Variants in GNAQ observed in about 807,000 individuals in gnomAD.
The protein encoded by GNAQ is guanine nucleotide-binding protein G(q) subunit alpha.
A neutral mutation model predicts 43.9 loss-of-function variants in GNAQ; 8 were observed. That is an observed-to-expected ratio of 0.18 (90% CI 0.11 to 0.33). GNAQ has a LOEUF of 0.33. Ranked by LOEUF, GNAQ falls within the 10% of genes least tolerant of loss-of-function variation. The pLI is 1.00. For synonymous variants in GNAQ, 155 were observed against 170.7 expected (o/e 0.91, Z 0.71); for missense variants, 158 against 450.8 (o/e 0.35, Z 5.88).
intron 2 of GNAQ, among the ~76,000 whole-genome samples, chr9:77,845,073 T>A (rs1827561446): frequency 6.6e-6 from 1 of 152,216 alleles, no homozygotes; most frequent in South Asian, 2.1e-4. Context: ...AGTACTACTC[T>A]AACATGAAAT....
intron 3 of GNAQ, among the ~76,000 whole-genome samples, 188 bp downstream of exon 3, chr9:77,815,428 T>C (rs1826996811): frequency 6.6e-6 from 1 of 152,224 alleles, no homozygotes; most frequent in Non-Finnish European, 1.5e-5. Flanking sequence ...TGACTCATGA[T>C]ACCAGTCCTT....
At chr9:77,994,702 T>C (rs1823547348) in intron 1 of GNAQ, among the ~76,000 whole-genome samples, 1 of 152,228 alleles carries the variant, frequency 6.6e-6, no homozygotes, top group South Asian at 2.1e-4. Context: ...GTTACTTCTA[T>C]GTTTTGCTGC....
intron 5 of GNAQ, among the ~76,000 whole-genome samples, chr9:77,742,963 G>T (rs1199208660): frequency 6.6e-6 from 1 of 152,192 alleles, no homozygotes; most frequent in Non-Finnish European, 1.5e-5. Flanking sequence ...GGTGCTACTA[G>T]AAAGATCAGC....
At position 77,823,219 on chromosome 9, in the gene GNAQ, G is replaced by A. The variant is rs140773222; in HGVS notation, c.322-7449C>T. On this transcript the variant is annotated intron_variant, in intron 2 of 6. Coordinates refer to ENST00000286548, the MANE Select transcript of GNAQ (RefSeq NM_002072.5). ...CTCCCAAAGTGCTGGGATTACAGGC[G>A]TGAGCCACCACGCCTGGCCTAGAAT... 8.0e-3 allele frequency among the ~76,000 whole-genome samples: 1,213 copies of A among 152,262 alleles called. 16 individuals carry two copies. Among genetic ancestry groups the A allele is most frequent in the African/African-American group, 0.028 (1,156 of 41,544 alleles).
At chr9:77,996,661 G>T (rs1485427972) in intron 1 of GNAQ, among the ~76,000 whole-genome samples, 2 of 122,158 alleles carry the variant, frequency 1.6e-5, no homozygotes, top group Admixed American at 1.1e-4. Context: ...CCGGACAACA[G>T]AGCGAGACTC....
chr9:77,878,223 G>C (rs1014275271), intron 2 of GNAQ, among the ~76,000 whole-genome samples: 1 of 144,790 alleles, frequency 6.9e-6, no homozygotes, highest in Non-Finnish European at 1.5e-5. Flanking sequence ...GAGGTATTTG[G>C]TGTTTTTTTT....
intron 2 of GNAQ, among the ~76,000 whole-genome samples, chr9:77,889,821 T>A (rs1828372043): frequency 6.6e-6 from 1 of 152,232 alleles, no homozygotes; most frequent in African/African-American, 2.4e-5. Context: ...CTTTTGGTTT[T>A]TTCCCAAACT....
chr9:77,832,869 C>T (rs764045769), intron 2 of GNAQ, among the ~76,000 whole-genome samples: 2 of 152,216 alleles, frequency 1.3e-5, no homozygotes, highest in Non-Finnish European at 2.9e-5. Flanking sequence ...CAGACACACA[C>T]AAGCTGCGTC....
intron 2 of GNAQ, among the ~76,000 whole-genome samples, chr9:77,849,777 T>A (rs1827644072): frequency 6.6e-6 from 1 of 152,116 alleles, no homozygotes; most frequent in South Asian, 2.1e-4. Flanking sequence ...AGCGATCCTC[T>A]CACCTCAGCC....
In GNAQ at chr9:77,769,420, G is replaced by A. The variant is rs1021699319; in HGVS notation, c.735+25043C>T. Among the ~76,000 whole-genome samples the A allele has an allele frequency of 3.3e-5, 5 of 150,782 alleles. No homozygotes were observed. In the East Asian group the frequency reaches 9.8e-4, roughly 30 times the overall value. On this transcript the variant is annotated intron_variant, in intron 5 of 6. Transcript: ENST00000286548. ...CTACCTTAAAAAAAAAAAAAAGGAA[G>A]AAGAACTAATCTGCCAAACATTATT... is the stretch of plus-strand genomic sequence containing the variant.
chr9:77,816,382 C>T (rs1225614469), intron 2 of GNAQ, among the ~76,000 whole-genome samples: 1 of 152,106 alleles, frequency 6.6e-6, no homozygotes, highest in Non-Finnish European at 1.5e-5. Context: ...TTTGTATCTG[C>T]CTTATCTATA....
At chr9:77,884,439 A>G (rs543279436) in intron 2 of GNAQ, among the ~76,000 whole-genome samples, 21 of 152,356 alleles carry the variant, frequency 1.4e-4, no homozygotes, top group African/African-American at 5.0e-4. Context: ...GCTTATTTCA[A>G]GCGGGAAAAA....
At chr9:77,808,347 AAATGCAGGGCTTTTTGTTTG>A (rs1826861162) in intron 3 of GNAQ, among the ~76,000 whole-genome samples, 1 of 150,974 alleles carries the variant, frequency 6.6e-6, no homozygotes, top group African/African-American at 2.4e-5. Context: ...CGAGGAAGAC[AAATGCAGGGCTTTTTGTTTG>A]TTGTTTTACC....
intron 1 of GNAQ, among the ~76,000 whole-genome samples, chr9:77,986,632 A>G (rs1302282187): frequency 6.6e-6 from 1 of 152,078 alleles, no homozygotes; most frequent in Non-Finnish European, 1.5e-5. Context: ...TAGCCTCCCA[A>G]GTAGCTGGGA....
At chr9:77,889,809 T>C (rs1828371811) in intron 2 of GNAQ, among the ~76,000 whole-genome samples, 1 of 152,210 alleles carries the variant, frequency 6.6e-6, no homozygotes, top group Admixed American at 6.5e-5. Context: ...TTTATACCTG[T>C]TCTTTTGGTT....
intron 2 of GNAQ, among the ~76,000 whole-genome samples, chr9:77,902,032 G>T (rs1828624264): frequency 6.6e-6 from 1 of 152,116 alleles, no homozygotes; most frequent in African/African-American, 2.4e-5. Flanking sequence ...CACCTTAGGG[G>T]TTAGGATCTC....
chr9:77,947,822 A>G (rs1272034392), intron 1 of GNAQ, among the ~76,000 whole-genome samples: 1 of 152,220 alleles, frequency 6.6e-6, no homozygotes, highest in African/African-American at 2.4e-5. Context: ...CTTCAGCGCC[A>G]TGGAAGCAGC....
In GNAQ at chr9:77,823,729, AACTC is replaced by A. The variant is rs562250323; in HGVS notation, c.322-7963_322-7960del. Among the ~76,000 whole-genome samples, 24 of 152,226 alleles carry A rather than the reference AACTC, an allele frequency of 1.6e-4. 1 individual carries two copies. The South Asian group carries it at 4.8e-3, about 30-fold the overall frequency. ...CTTTTAAACGATCAGATCTCATGAGAACTCACTCACTATCATGAGAACAGCAAAG... is the reference window on the plus strand; with the variant it reads ...CTTTTAAACGATCAGATCTCATGAGAACTCACTATCATGAGAACAGCAAAG... On this transcript the variant is annotated intron_variant, in intron 2 of 6. Coordinates refer to ENST00000286548, the MANE Select transcript of GNAQ (RefSeq NM_002072.5).
intron 1 of GNAQ, among the ~76,000 whole-genome samples, chr9:77,964,662 A>T (rs1823144578): frequency 7.2e-6 from 1 of 138,734 alleles, no homozygotes; most frequent in Non-Finnish European, 1.6e-5. Flanking sequence ...GCAAACTAAA[A>T]ATAAAACAAA....
Sources: allele counts gnomAD v4.1 joint callset (sites outside exome capture counted in the v4.1 genomes callset), GRCh38; gene constraint gnomAD v4.1.1; transcripts MANE v1.5; gene names NCBI Gene and HGNC (gene_info 2026-07-23, HGNC 2026-07-21).